EFL1: variants seen among roughly 807,000 people sequenced by gnomAD.
The protein encoded by EFL1 is elongation factor-like GTPase 1.
EFL1 carries 76 observed loss-of-function variants against 126.7 expected under a neutral mutation model. The observed-to-expected ratio is 0.60, with a 90% CI of 0.50 to 0.73. The LOEUF is 0.73. EFL1 is among the 30% of genes least tolerant of loss of function. The pLI, the probability that EFL1 is intolerant of heterozygous loss-of-function variation, is 0.00. For missense variants in EFL1, 1,128 were observed against 1,343.2 expected (o/e 0.84, Z 2.50); for synonymous variants, 410 against 448.4 (o/e 0.91, Z 1.08).
rs756448420 is a variant in EFL1, at chr15:82,241,288, C to T, written c.360G>A (p.Val120=). 1.1e-5 allele frequency: 18 copies of T among 1,613,798 alleles called. No homozygotes were observed. The highest frequency in any genetic ancestry group is 1.4e-5 in the Non-Finnish European group (16 of 1,179,866). ...CCATTACCTGTGGACAGACTCCTTC[C>T]ACAGCATCTACCACAATGATGCATC... The part of the protein sequence containing the change: ...CDGCIIVVDA[V]EGVCPQTQAV... Residue 120 remains valine (V), a synonymous_variant, in exon 5 of 20, where the codon GTG becomes GTA. Coordinates refer to ENST00000268206, the MANE Select transcript of EFL1 (RefSeq NM_024580.6).
intron 12 of EFL1, 68 bp downstream of exon 12, chr15:82,225,097 A>G (rs1195113362): frequency 8.5e-6 from 11 of 1,296,892 alleles, no homozygotes; most frequent in East Asian, 7.2e-5. Flanking sequence ...CCCTACCCAC[A>G]GCCCAACTGC....
chr15:82,181,618 GTGCA>G (rs2074251977), intron 15 of EFL1, among the ~76,000 whole-genome samples: 1 of 127,784 alleles, frequency 7.8e-6, no homozygotes, highest in African/African-American at 3.3e-5. Flanking sequence ...ATTTATGTGT[GTGCA>G]TGTGTGTGTG....
chr15:82,220,378 A>C, intron 12 of EFL1, 149 bp from the exon 13 acceptor site: 1 of 887,622 alleles, frequency 1.1e-6, no homozygotes, highest in Non-Finnish European at 1.7e-6. Context: ...TAGCAATAAG[A>C]GAGGGCCTAT....
chr15:82,211,592 C>CACACACACACA (rs1567064834), intron 15 of EFL1, among the ~76,000 whole-genome samples: 1 of 60,106 alleles, frequency 1.7e-5, no homozygotes, highest in African/African-American at 1.5e-4. Flanking sequence ...TAGACACATA[C>CACACACACACA]TAGACACACA....
chr15:82,130,840 T>TACA (rs61308871), intron 19 of EFL1, among the ~76,000 whole-genome samples: 40,184 of 150,940 alleles, frequency 0.27, 5,518 homozygotes, highest in South Asian at 0.44. Flanking sequence ...TCTACTAAAA[T>TACA]ACAACAACAA....
rs1464030887 is a variant in EFL1, at chr15:82,242,247, GA to G, written c.245-845del. The stretch of plus-strand genomic sequence containing the variant: ...TCTTTTAAAGGCAGAATAACTATTA[GA>G]ATGCTCAAACATATACTTTACTTTT... On this transcript the variant is annotated intron_variant, in intron 4 of 19. Transcript: ENST00000268206. Among the ~76,000 whole-genome samples, 16 of 151,692 alleles carry G rather than the reference GA, an allele frequency of 1.1e-4. No individual in the cohort carries two copies. In the East Asian group the frequency reaches 3.1e-3, roughly 29 times the overall value.
intron 15 of EFL1, among the ~76,000 whole-genome samples, chr15:82,175,348 A>T (rs1245725587): frequency 6.6e-6 from 1 of 152,210 alleles, no homozygotes; most frequent in Non-Finnish European, 1.5e-5. Flanking sequence ...GATCATTTCA[A>T]GTCAAGCCAG....
At chr15:82,215,557 T>C (rs1485730802) in intron 14 of EFL1, 1 of 152,184 alleles carries the variant, frequency 6.6e-6, no homozygotes, top group Admixed American at 6.5e-5. Context: ...TTTTGCATTG[T>C]GTGAAGTCTT....
At position 82,238,367 on chromosome 15, in the gene EFL1, T is replaced by A. The variant is rs1349542345; in HGVS notation, c.671A>T (p.Tyr224Phe). Residue 224 changes from tyrosine to phenylalanine, a missense_variant, in exon 7 of 20, where the codon TAC becomes TTC. Physicochemically the swap from Tyr to Phe is conservative, Grantham distance 22. Around this residue, in one of 6 missense-constraint regions of EFL1, gnomAD observed 316 missense variants for 318.5 expected, o/e 0.99. Coordinates refer to ENST00000268206, the MANE Select transcript of EFL1 (RefSeq NM_024580.6). ...CACATTTCCCTGTTCTGGAGAGAAG[T>A]AAAGGTGAGAATCATCTGTGTCCTC... Reference protein sequence around the residue: ...GLEDTDDSHLYFSPEQGNVVF... With the variant: ...GLEDTDDSHLFFSPEQGNVVF... 1.2e-6 allele frequency: 2 copies of A among 1,614,190 alleles called. No individual in the cohort carries two copies. The highest frequency in any genetic ancestry group is 4.5e-5 in the East Asian group (2 of 44,886).
chr15:82,191,005 A>C (rs2074353773), intron 15 of EFL1, among the ~76,000 whole-genome samples: 1 of 149,820 alleles, frequency 6.7e-6, no homozygotes, highest in Non-Finnish European at 1.5e-5. Context: ...TTTCCATCTT[A>C]TTGGTATCCC....
intron 15 of EFL1, among the ~76,000 whole-genome samples, chr15:82,195,290 T>C (rs1162959269): frequency 6.6e-6 from 1 of 152,198 alleles, no homozygotes; most frequent in Admixed American, 6.5e-5. Context: ...TGAAGATATT[T>C]AGAAAGACCT....
At chr15:82,251,214 A>T (rs1473238128) in intron 4 of EFL1, among the ~76,000 whole-genome samples, 1 of 152,184 alleles carries the variant, frequency 6.6e-6, no homozygotes, top group African/African-American at 2.4e-5. Flanking sequence ...TCCGTCTCAA[A>T]AAATAAAAAA....
chr15:82,135,156 C>G (rs991818229), intron 19 of EFL1, among the ~76,000 whole-genome samples: 49 of 152,176 alleles, frequency 3.2e-4, no homozygotes, highest in Middle Eastern at 3.4e-3. Context: ...AAGGATGGTA[C>G]AAAACTGGGG....
chr15:82,242,133 A>G (rs2074937663), intron 4 of EFL1, among the ~76,000 whole-genome samples: 1 of 152,238 alleles, frequency 6.6e-6, no homozygotes, highest in Non-Finnish European at 1.5e-5. Context: ...AGTTATCACT[A>G]AACATAACTT....
intron 14 of EFL1, among the ~76,000 whole-genome samples, chr15:82,218,409 C>G (rs563056096): frequency 6.6e-6 from 1 of 152,064 alleles, no homozygotes; most frequent in Non-Finnish European, 1.5e-5. Context: ...CTGCTTAAGA[C>G]ATGAGACACA....
intron 18 of EFL1, among the ~76,000 whole-genome samples, chr15:82,145,303 CA>C (rs59928134): frequency 0.012 from 1,145 of 96,476 alleles, 2 homozygotes; most frequent in South Asian, 0.053. Flanking sequence ...AACTCTGTCT[CA>C]AAAAAAAAAA....
At chr15:82,238,548 C>G (rs1420017252) in intron 6 of EFL1, 27 bp from the exon 7 acceptor site, 1 of 1,556,836 alleles carries the variant, frequency 6.4e-7, no homozygotes, top group Non-Finnish European at 8.8e-7. Context: ...AATGGCAGAG[C>G]GTCATTCAGA....
At chr15:82,176,216 A>G (rs1010070165) in intron 15 of EFL1, among the ~76,000 whole-genome samples, 2 of 152,208 alleles carry the variant, frequency 1.3e-5, no homozygotes, top group African/African-American at 4.8e-5. Context: ...TCTAAATACA[A>G]TAAGTAAAAC....
chr15:82,221,667 A>T lies in EFL1; in HGVS notation c.1293-1438T>A, dbSNP rs192492961. ...CTGGGCTGTGCAATAGAATACAAAA[A>T]TATGAGAAACAATCCTTGAGCCTGG... is the stretch of plus-strand genomic sequence containing the variant. On this transcript the variant is annotated intron_variant, in intron 12 of 19. Transcript: ENST00000268206. 2.8e-3 allele frequency among the ~76,000 whole-genome samples: 432 copies of T among 152,298 alleles called. 5 individuals are homozygous for T. Among genetic ancestry groups the T allele is most frequent in the African/African-American group, 9.9e-3 (412 of 41,562 alleles).
Sources: allele counts gnomAD v4.1 joint callset (sites outside exome capture counted in the v4.1 genomes callset), GRCh38; gene constraint gnomAD v4.1.1; regional missense constraint gnomAD v4.1.1; transcripts MANE v1.5; gene names NCBI Gene and HGNC (gene_info 2026-07-23, HGNC 2026-07-21).